TNRC6A: variants seen among roughly 807,000 people sequenced by gnomAD.
TNRC6A encodes the protein trinucleotide repeat containing adaptor 6A.
Under a neutral mutation model 221.2 loss-of-function variants are expected in TNRC6A, and 44 were observed. The observed-to-expected ratio is 0.20, with a 90% CI of 0.16 to 0.26. TNRC6A has a LOEUF of 0.26. Among genes scored for constraint, TNRC6A ranks in the 10% least tolerant of loss-of-function variants. The pLI, the probability that TNRC6A is intolerant of heterozygous loss-of-function variation, is 1.00. For missense variants in TNRC6A, 2,199 were observed against 2,404.4 expected (o/e 0.91, Z 1.79); for synonymous variants, 847 against 838.5 (o/e 1.01, Z -0.18).
intron 17 of TNRC6A, among the ~76,000 whole-genome samples, chr16:24,808,747 A>G (rs2058484455): frequency 6.6e-6 from 1 of 152,248 alleles, no homozygotes; most frequent in Non-Finnish European, 1.5e-5. Flanking sequence ...GAATTGTGAA[A>G]CAAAGATTCT....
intron 5 of TNRC6A, among the ~76,000 whole-genome samples, chr16:24,784,544 A>T (rs1025690873): frequency 2.0e-5 from 3 of 152,136 alleles, no homozygotes; most frequent in Non-Finnish European, 4.4e-5. Flanking sequence ...GGATAGTCTC[A>T]CTTCTGGACC....
chr16:24,811,781 G>A (rs1426073880), intron 18 of TNRC6A, among the ~76,000 whole-genome samples: 1 of 151,886 alleles, frequency 6.6e-6, no homozygotes, highest in Non-Finnish European at 1.5e-5. Context: ...AGCTTAAGCA[G>A]CCTCAAATGT....
intron 2 of TNRC6A, among the ~76,000 whole-genome samples, chr16:24,697,499 A>T (rs2055885713): frequency 6.6e-6 from 1 of 152,078 alleles, no homozygotes; most frequent in East Asian, 1.9e-4. Context: ...AGCCTGGCCA[A>T]CATGGTGAAA....
intron 2 of TNRC6A, chr16:24,663,965 A>G: frequency 2.2e-6 from 1 of 456,624 alleles, no homozygotes; most frequent in South Asian, 1.5e-5. Flanking sequence ...TTCCTCTGAG[A>G]TGTGCAGGGT....
chr16:24,778,350 A>G, intron 5 of TNRC6A: 1 of 984,678 alleles, frequency 1.0e-6, no homozygotes, highest in Non-Finnish European at 1.2e-6. Context: ...ACAGTGAATA[A>G]GTAGCAGATC....
chr16:24,780,222 G>C (rs2057811246), intron 5 of TNRC6A, among the ~76,000 whole-genome samples: 1 of 152,146 alleles, frequency 6.6e-6, no homozygotes. Flanking sequence ...ACCCAAAACT[G>C]GTGGTGGTTA....
intron 15 of TNRC6A, 75 bp downstream of exon 15, chr16:24,805,808 G>A (rs1369998427): frequency 1.2e-5 from 19 of 1,579,838 alleles, no homozygotes; most frequent in Admixed American, 5.1e-5. Context: ...GACTCTGTGC[G>A]GGACATAGTG....
In TNRC6A at chr16:24,790,355, T is replaced by C; in HGVS notation, c.1713T>C (p.Gly571=). 6.2e-7 allele frequency: 1 copy of C among 1,613,602 alleles called. No individual in the cohort carries two copies. The highest frequency in any genetic ancestry group is 8.5e-7 in the Non-Finnish European group (1 of 1,179,926). The stretch of plus-strand genomic sequence containing the variant: ...TTCAAGTTAACACAAACAAAGGAGG[T>C]GGTGTGTGGGAATCTGGTGCAGCAA... ...TNFQVNTNKG[G]GVWESGAANS... The change falls in exon 6 of 25, where the codon GGT becomes GGC. Residue 571 remains glycine (G), a synonymous_variant. Transcript: ENST00000395799.
chr16:24,793,187 A>G (rs1459362299), intron 6 of TNRC6A, among the ~76,000 whole-genome samples: 1 of 152,224 alleles, frequency 6.6e-6, no homozygotes, highest in Non-Finnish European at 1.5e-5. Flanking sequence ...AATTAAACTG[A>G]TGCTCAAAGG....
rs950031364 is a variant in TNRC6A at position 24,809,207 on chromosome 16, C to G, written c.4541-143C>G. On this transcript the variant is annotated intron_variant, in intron 17 of 24. Transcript: ENST00000395799. ...TCAAAATTTTATGGAGAAATATTTT[C>G]TACGTATAACTAAATTATAGTATTA... 11 of 729,734 alleles carry G rather than the reference C, an allele frequency of 1.5e-5. No individual in the cohort carries two copies. In the African/African-American group the frequency reaches 1.8e-4, roughly 12 times the overall value. The allele number at this position is 729,734 out of a possible 1,614,324, so 45.2% of individuals were successfully genotyped here.
intron 5 of TNRC6A, among the ~76,000 whole-genome samples, chr16:24,782,394 G>T (rs1458103054): frequency 6.6e-6 from 1 of 152,114 alleles, no homozygotes; most frequent in African/African-American, 2.4e-5. Flanking sequence ...TTTTTGGGAG[G>T]TACCTACACC....
chr16:24,819,229 T>TG (rs2058716128), intron 21 of TNRC6A, among the ~76,000 whole-genome samples: 1 of 152,166 alleles, frequency 6.6e-6, no homozygotes. Context: ...ACTGACCTAA[T>TG]GCACACACAC....
rs2057749086 is a variant in TNRC6A at position 24,777,394 on chromosome 16, A to ACGAGAC, written c.589+36_589+37insCGAGAC. 3.2e-6 allele frequency: 5 copies of ACGAGAC among 1,577,572 alleles called. No homozygotes were observed. In the East Asian group the frequency reaches 1.1e-4, roughly 35 times the overall value. On this transcript the variant is annotated intron_variant, in intron 5 of 24. Coordinates refer to ENST00000395799, the MANE Select transcript of TNRC6A (RefSeq NM_014494.4). ...GCATTTCTTACGAGACTCACACCTT[A>ACGAGAC]TCATCATTAGCTGTATAGCAAGTTG...
chr16:24,690,266 T>G (rs145856733), intron 2 of TNRC6A, among the ~76,000 whole-genome samples: 206 of 152,008 alleles, frequency 1.4e-3, no homozygotes, highest in African/African-American at 4.8e-3. Context: ...CATCTCAGTG[T>G]CCCAAAGTGC....
intron 19 of TNRC6A, chr16:24,815,625 G>A (rs2152072788): frequency 9.2e-6 from 3 of 325,332 alleles, no homozygotes; most frequent in South Asian, 5.7e-5. Context: ...GGAGGCCGAG[G>A]CGGGCGGATC....
At chr16:24,634,072 G>A (rs544377164) in intron 1 of TNRC6A, among the ~76,000 whole-genome samples, 1 of 152,248 alleles carries the variant, frequency 6.6e-6, no homozygotes, top group South Asian at 2.1e-4. Context: ...GTGAGCCACT[G>A]GGCCAGACCA....
chr16:24,793,400 C>T, intron 6 of TNRC6A, 73 bp from the exon 7 acceptor site: 1 of 1,218,350 alleles, frequency 8.2e-7, no homozygotes, highest in Non-Finnish European at 1.1e-6. Context: ...CCTAAGTTTT[C>T]TTTATTGTCC....
intron 2 of TNRC6A, among the ~76,000 whole-genome samples, chr16:24,707,377 C>CACACAT (rs2056117658): frequency 1.4e-5 from 2 of 143,854 alleles, no homozygotes; most frequent in South Asian, 4.5e-4. Flanking sequence ...CACACACACA[C>CACACAT]ACATCTTAAA....
intron 1 of TNRC6A, among the ~76,000 whole-genome samples, chr16:24,628,101 A>G (rs1269796976): frequency 1.3e-5 from 2 of 151,856 alleles, no homozygotes; most frequent in African/African-American, 4.8e-5. Context: ...TGAACTGCAC[A>G]GTTTACTTAT....
Sources: allele counts gnomAD v4.1 joint callset (sites outside exome capture counted in the v4.1 genomes callset), GRCh38; gene constraint gnomAD v4.1.1; transcripts MANE v1.5; gene names NCBI Gene and HGNC (gene_info 2026-07-23, HGNC 2026-07-21).